ATP8B4: variants seen among roughly 807,000 people sequenced by gnomAD.
ATP8B4 encodes the protein probable phospholipid-transporting ATPase IM.
ATP8B4 carries 133 observed loss-of-function variants against 145.6 expected under a neutral mutation model. The ratio of observed to expected loss-of-function variants is 0.91; its 90% confidence interval spans 0.79 to 1.05. ATP8B4 has a LOEUF of 1.05. Among genes scored for constraint, ATP8B4 ranks in the 50% least tolerant of loss-of-function variants. The pLI is 0.00. For synonymous variants in ATP8B4, 507 were observed against 492.9 expected, an observed-to-expected ratio of 1.03 and a Z score of -0.38; for missense variants, 1,458 against 1,425.2, an observed-to-expected ratio of 1.02 and a Z score of -0.37.
chr15:49,898,519 C>T (rs1373871225), intron 21 of ATP8B4, among the ~76,000 whole-genome samples: 1 of 152,146 alleles, frequency 6.6e-6, no homozygotes, highest in Non-Finnish European at 1.5e-5. Context: ...TCCTTGATAT[C>T]ATGCTGCACT....
At chr15:50,072,197 T>A (rs896139375) in intron 3 of ATP8B4, among the ~76,000 whole-genome samples, 10 of 148,490 alleles carry the variant, frequency 6.7e-5, no homozygotes, top group African/African-American at 2.5e-4. Context: ...TAATGGACAC[T>A]GCCAAAGTTT....
intron 6 of ATP8B4, among the ~76,000 whole-genome samples, chr15:50,023,779 C>CAAAAAAAAAAAAAAAAAA (rs60030651): frequency 6.7e-5 from 5 of 75,054 alleles, no homozygotes; most frequent in African/African-American, 1.1e-4. Context: ...AGACCAAAGG[C>CAAAAAAAAAAAAAAAAAA]AAAAAAAAAA....
intron 3 of ATP8B4, among the ~76,000 whole-genome samples, chr15:50,072,919 G>T (rs145643170): frequency 7.4e-5 from 6 of 81,004 alleles, no homozygotes; most frequent in East Asian, 4.0e-4. Context: ...CACTGTGCCC[G>T]GCCTCTCTCT....
intron 18 of ATP8B4, among the ~76,000 whole-genome samples, chr15:49,919,575 A>G (rs2153453772): frequency 6.6e-6 from 1 of 152,088 alleles, no homozygotes; most frequent in South Asian, 2.1e-4. Context: ...CCGCCACCGC[A>G]CCCGGCTAAT....
At chr15:50,047,241 G>A in intron 4 of ATP8B4, 110 bp downstream of exon 4, 1 of 671,742 alleles carries the variant, frequency 1.5e-6, no homozygotes, top group South Asian at 1.9e-5. Flanking sequence ...TCTGATAAAG[G>A]ATGATTGTAC....
chr15:50,154,366 A>T (rs932680647), intron 1 of ATP8B4, among the ~76,000 whole-genome samples: 1 of 152,112 alleles, frequency 6.6e-6, no homozygotes, highest in African/African-American at 2.4e-5. Flanking sequence ...TTCTAAATCC[A>T]TATATTGAAA....
In ATP8B4 at chr15:49,991,658, G is replaced by A. The variant is rs566872076; in HGVS notation, c.590-4109C>T. On this transcript the variant is annotated intron_variant, in intron 9 of 27. Transcript: ENST00000284509. ...AATCATTTTTTCTGATGTTTGAAAT[G>A]TATAAAAATATTTTCATGAGAACTT... 5.3e-5 allele frequency among the ~76,000 whole-genome samples: 8 copies of A among 152,170 alleles called. No homozygotes were observed. In the South Asian group the frequency reaches 1.7e-3, roughly 32 times the overall value.
intron 1 of ATP8B4, among the ~76,000 whole-genome samples, chr15:50,125,808 T>C (rs879683378): frequency 1.2e-4 from 19 of 152,206 alleles, no homozygotes; most frequent in Admixed American, 6.5e-5. Context: ...TTAATGTAAA[T>C]TCTTGGTAAA....
intron 6 of ATP8B4, among the ~76,000 whole-genome samples, chr15:50,015,965 T>G (rs1459791852): frequency 6.6e-6 from 1 of 152,156 alleles, no homozygotes; most frequent in African/African-American, 2.4e-5. Context: ...AAATAAGAGA[T>G]GATGAAAGAT....
At chr15:50,059,387 T>G (rs2052841898) in intron 3 of ATP8B4, among the ~76,000 whole-genome samples, 1 of 152,160 alleles carries the variant, frequency 6.6e-6, no homozygotes, top group Admixed American at 6.5e-5. Context: ...AGGCTTCAGG[T>G]CAAATAACAG....
chr15:49,977,265 T>C (rs913349060), intron 12 of ATP8B4, among the ~76,000 whole-genome samples: 2 of 152,162 alleles, frequency 1.3e-5, no homozygotes, highest in African/African-American at 4.8e-5. Flanking sequence ...TCTCTTTTCC[T>C]ATGTCTCAAT....
chr15:50,022,911 A>G (rs1355635819), intron 6 of ATP8B4, among the ~76,000 whole-genome samples: 1 of 152,174 alleles, frequency 6.6e-6, no homozygotes, highest in Non-Finnish European at 1.5e-5. Context: ...CATTGGCACT[A>G]CTCAAACCCC....
At chr15:50,057,776 C>T (rs1166876266) in intron 3 of ATP8B4, among the ~76,000 whole-genome samples, 3 of 152,206 alleles carry the variant, frequency 2.0e-5, no homozygotes, top group Non-Finnish European at 4.4e-5. Flanking sequence ...GTCTGAAAGA[C>T]AGTTCTAGAG....
chr15:49,895,229 G>A (rs994418053), intron 23 of ATP8B4: 1 of 152,268 alleles, frequency 6.6e-6, no homozygotes, highest in African/African-American at 2.4e-5. Context: ...AAAGTCAGCA[G>A]ATTGGACTTT....
chr15:50,004,817 G>A (rs1475363106), intron 7 of ATP8B4, among the ~76,000 whole-genome samples: 1 of 152,124 alleles, frequency 6.6e-6, no homozygotes, highest in Non-Finnish European at 1.5e-5. Context: ...ATACCAAAAT[G>A]AGTAAAAATC....
chr15:49,915,725 T>A (rs1038038764), intron 20 of ATP8B4, among the ~76,000 whole-genome samples: 2 of 152,022 alleles, frequency 1.3e-5, no homozygotes, highest in African/African-American at 2.4e-5. Flanking sequence ...ATTATACCAA[T>A]AATAATATTT....
At chr15:50,126,135 G>A (rs891436550) in intron 1 of ATP8B4, among the ~76,000 whole-genome samples, 1 of 151,804 alleles carries the variant, frequency 6.6e-6, no homozygotes, top group Non-Finnish European at 1.5e-5. Flanking sequence ...TTCAGTGTGG[G>A]TGTGGAGGTG....
intron 17 of ATP8B4, among the ~76,000 whole-genome samples, chr15:49,920,810 GCTTTC>G (rs1250888477): frequency 6.6e-6 from 1 of 152,138 alleles, no homozygotes; most frequent in Non-Finnish European, 1.5e-5. Flanking sequence ...ATGGACCTCA[GCTTTC>G]AGTGAAGAGG....
intron 2 of ATP8B4, among the ~76,000 whole-genome samples, chr15:50,092,838 A>G (rs2055699213): frequency 6.6e-6 from 1 of 151,982 alleles, no homozygotes; most frequent in Non-Finnish European, 1.5e-5. Flanking sequence ...AAAACTTTCA[A>G]AAGACATCAA....
Sources: gnomAD v4.1 joint callset for allele counts (sites outside exome capture counted in the v4.1 genomes callset) on GRCh38, gnomAD v4.1.1 for gene constraint, MANE v1.5 for transcripts, NCBI Gene and HGNC (gene_info 2026-07-23, HGNC 2026-07-21) for gene names.